FRMD4A: variants seen among roughly 807,000 people sequenced by gnomAD.
The protein encoded by FRMD4A is FERM domain containing 4A, also known as FERM domain-containing protein 4A.
Under a neutral mutation model 129.1 loss-of-function variants are expected in FRMD4A, and 29 were observed. The observed-to-expected ratio is 0.22, with a 90% CI of 0.17 to 0.31. The LOEUF (loss-of-function observed/expected upper bound fraction) is 0.31, where lower values mean the gene tolerates loss of function less well. Among genes scored for constraint, FRMD4A ranks in the 10% least tolerant of loss-of-function variants. The probability of loss-of-function intolerance (pLI) is 1.00; values close to 1 mark genes in which losing one functional copy is unlikely to be tolerated. For missense variants in FRMD4A, 1,272 were observed against 1,375.8 expected (o/e 0.92, Z 1.19); for synonymous variants, 634 against 571.6 (o/e 1.11, Z -1.56).
intron 14 of FRMD4A, among the ~76,000 whole-genome samples, chr10:13,694,820 CA>C (rs750730677): frequency 6.9e-6 from 1 of 144,906 alleles, no homozygotes; most frequent in Non-Finnish European, 1.5e-5. Context: ...CCAGCCTGGG[CA>C]ACAAAGTGAG....
intron 2 of FRMD4A, among the ~76,000 whole-genome samples, chr10:14,004,358 C>A (rs541679871): frequency 8.5e-5 from 13 of 152,156 alleles, no homozygotes; most frequent in Admixed American, 1.3e-4. Flanking sequence ...GCCTGGCCAA[C>A]ATGGTGAAAC....
At chr10:13,808,323 G>C (rs1187566324) in intron 4 of FRMD4A, among the ~76,000 whole-genome samples, 2 of 152,198 alleles carry the variant, frequency 1.3e-5, no homozygotes, top group Non-Finnish European at 2.9e-5. Context: ...ATAAAGCACA[G>C]ACACACACAT....
At chr10:13,754,170 T>C (rs534574354) in intron 8 of FRMD4A, among the ~76,000 whole-genome samples, 5 of 152,226 alleles carry the variant, frequency 3.3e-5, no homozygotes, top group African/African-American at 1.2e-4. Context: ...TAACTGAAAA[T>C]ATGATATTTT....
intron 2 of FRMD4A, among the ~76,000 whole-genome samples, chr10:13,947,451 C>G (rs913961395): frequency 6.6e-6 from 1 of 152,028 alleles, no homozygotes; most frequent in Non-Finnish European, 1.5e-5. Flanking sequence ...TCAGTTACCC[C>G]TCTCTGTGGT....
chr10:13,707,481 G>T (rs2087580191), intron 12 of FRMD4A: 1 of 1,015,126 alleles, frequency 9.9e-7, no homozygotes, highest in Non-Finnish European at 1.2e-6. Context: ...GAGGGACCCA[G>T]CAGGGAAGGC....
chr10:14,129,741 C>A (rs895586144), intron 2 of FRMD4A, among the ~76,000 whole-genome samples: 3 of 152,064 alleles, frequency 2.0e-5, no homozygotes, highest in African/African-American at 7.2e-5. Context: ...TTTCAGGACT[C>A]CTGGGAAATA....
At chr10:13,674,328 T>G (rs1402490475) in intron 16 of FRMD4A, among the ~76,000 whole-genome samples, 1 of 152,122 alleles carries the variant, frequency 6.6e-6, no homozygotes, top group African/African-American at 2.4e-5. Flanking sequence ...TGAGGCACTA[T>G]CACGTGAGGA....
At chr10:14,325,663 T>C (rs1274304243) in intron 2 of FRMD4A, among the ~76,000 whole-genome samples, 1 of 152,254 alleles carries the variant, frequency 6.6e-6, no homozygotes, top group African/African-American at 2.4e-5. Context: ...CCAACCTGTC[T>C]TGACAATTAG....
intron 15 of FRMD4A, among the ~76,000 whole-genome samples, chr10:13,681,907 A>T (rs541288440): frequency 4.6e-5 from 7 of 152,224 alleles, no homozygotes; most frequent in Non-Finnish European, 7.4e-5. Flanking sequence ...GTGTTACATG[A>T]ATACCAGTTA....
intron 2 of FRMD4A, among the ~76,000 whole-genome samples, chr10:13,988,259 C>T (rs958266846): frequency 2.0e-5 from 3 of 152,218 alleles, no homozygotes; most frequent in African/African-American, 7.2e-5. Flanking sequence ...CAGGACTGCT[C>T]AGGTCTGTAG....
chr10:14,208,048 T>G (rs1377010564), intron 2 of FRMD4A, among the ~76,000 whole-genome samples: 1 of 151,870 alleles, frequency 6.6e-6, no homozygotes, highest in Non-Finnish European at 1.5e-5. Context: ...AATGCAAAAC[T>G]TAGTCAGGCA....
chr10:14,129,315 T>C (rs895055088), intron 2 of FRMD4A, among the ~76,000 whole-genome samples: 1 of 146,108 alleles, frequency 6.8e-6, no homozygotes. Context: ...AAAAAATCGC[T>C]CTGAGAGCCT....
chr10:13,748,119 T>C (rs1430985220), intron 8 of FRMD4A, among the ~76,000 whole-genome samples: 2 of 152,120 alleles, frequency 1.3e-5, no homozygotes, highest in Non-Finnish European at 2.9e-5. Flanking sequence ...TGAACGCCCC[T>C]GAGCAGCCCT....
At chr10:14,144,714 C>G (rs1839995009) in intron 2 of FRMD4A, among the ~76,000 whole-genome samples, 1 of 152,088 alleles carries the variant, frequency 6.6e-6, no homozygotes, top group Non-Finnish European at 1.5e-5. Flanking sequence ...CGTCCAGGAG[C>G]TGGCAAGAGA....
intron 2 of FRMD4A, among the ~76,000 whole-genome samples, chr10:14,294,181 T>C (rs1158533700): frequency 3.9e-5 from 6 of 152,210 alleles, no homozygotes; most frequent in Non-Finnish European, 8.8e-5. Flanking sequence ...TATATTGATG[T>C]TTATTTTATT....
chr10:14,194,282 G>GC lies in FRMD4A; in HGVS notation c.45+135775dup, dbSNP rs1842405896. On this transcript the variant is annotated intron_variant, in intron 2 of 24. Transcript: ENST00000357447. The stretch of plus-strand genomic sequence containing the variant: ...CTCGTCAGCCCTACTACTTCTCACA[G>GC]CACTATGCTGGCATTGTGGGGAAAG... 2.0e-5 allele frequency among the ~76,000 whole-genome samples: 3 copies of GC among 152,096 alleles called. 1 individual carries two copies. In the South Asian group the frequency reaches 6.2e-4, roughly 32 times the overall value.
chr10:14,131,400 C>CCCT (rs888582429), intron 2 of FRMD4A, among the ~76,000 whole-genome samples: 29 of 150,502 alleles, frequency 1.9e-4, no homozygotes, highest in South Asian at 1.3e-3. Flanking sequence ...CACTGTGCCC[C>CCCT]CCCCGGCCGC....
In FRMD4A at chr10:13,932,999, A is replaced by C. The variant is rs142813085; in HGVS notation, c.46-74087T>G. Among the ~76,000 whole-genome samples the C allele has an allele frequency of 3.0e-3, 453 of 152,222 alleles. 4 individuals carry two copies. Among genetic ancestry groups the C allele is most frequent in the African/African-American group, 0.01 (431 of 41,524 alleles). Reference sequence around the variant, plus strand: ...AACATGGTGAAACTCTGTCTCTACTAAATATATAAAAATTAGTCAGGCGTG... The same window carrying C: ...AACATGGTGAAACTCTGTCTCTACTCAATATATAAAAATTAGTCAGGCGTG... On this transcript the variant is annotated intron_variant, in intron 2 of 24. Coordinates refer to ENST00000357447, the MANE Select transcript of FRMD4A (RefSeq NM_018027.5).
chr10:13,968,478 G>A (rs1317837917), intron 2 of FRMD4A, among the ~76,000 whole-genome samples: 1 of 152,154 alleles, frequency 6.6e-6, no homozygotes, highest in Non-Finnish European at 1.5e-5. Context: ...TTGAGACGTA[G>A]TCTCACTCTT....
Sources: gnomAD v4.1 joint callset for allele counts (sites outside exome capture counted in the v4.1 genomes callset) on GRCh38, gnomAD v4.1.1 for gene constraint, MANE v1.5 for transcripts, NCBI Gene and HGNC (gene_info 2026-07-23, HGNC 2026-07-21) for gene names.